The following TLK1 variants were observed in gnomAD, a reference collection of about 807,000 sequenced individuals.
TLK1 encodes serine/threonine-protein kinase tousled-like 1.
TLK1 carries 24 observed loss-of-function variants against 105.3 expected under a neutral mutation model. The ratio of observed to expected loss-of-function variants is 0.23; its 90% CI spans 0.17 to 0.32. The LOEUF (loss-of-function observed/expected upper bound fraction) is 0.32, where lower values mean the gene tolerates loss of function less well. TLK1 is among the 10% of genes least tolerant of loss of function. The pLI, the probability that TLK1 is intolerant of heterozygous loss-of-function variation, is 1.00. For missense variants in TLK1, 558 were observed against 910.5 expected (o/e 0.61, Z 4.98); for synonymous variants, 321 against 310.4 (o/e 1.03, Z -0.36).
intron 1 of TLK1, among the ~76,000 whole-genome samples, chr2:171,151,693 T>C (rs572128885): frequency 4.2e-4 from 64 of 151,986 alleles, no homozygotes; most frequent in Admixed American, 3.7e-3. Flanking sequence ...GCCAGGATGG[T>C]CTCGATCTCC....
At chr2:171,034,512 T>C (rs1245593541) in intron 11 of TLK1, among the ~76,000 whole-genome samples, 1 of 152,218 alleles carries the variant, frequency 6.6e-6, no homozygotes, top group Non-Finnish European at 1.5e-5. Flanking sequence ...TGAGTCATTT[T>C]ATATACAACA....
intron 2 of TLK1, among the ~76,000 whole-genome samples, chr2:171,110,449 C>G (rs114903381): frequency 9.9e-5 from 15 of 152,244 alleles, no homozygotes; most frequent in Admixed American, 2.6e-4. Context: ...AGTTGGGCGA[C>G]AGAGCAAGAC....
chr2:171,014,796 G>C (rs923041274), intron 13 of TLK1, 55 bp downstream of exon 13: 12 of 1,257,544 alleles, frequency 9.5e-6, no homozygotes, highest in Non-Finnish European at 1.4e-5. Context: ...ATGCTCTATG[G>C]GGGGCGGGGG....
intron 6 of TLK1, among the ~76,000 whole-genome samples, chr2:171,056,234 C>T (rs1354691175): frequency 6.6e-6 from 1 of 152,020 alleles, no homozygotes. Flanking sequence ...ATAAACAATG[C>T]TTCTTGGATA....
In TLK1 at chr2:171,198,757, G is replaced by C. The variant is rs77298424; in HGVS notation, c.-6+32388C>G. 0.01 allele frequency among the ~76,000 whole-genome samples: 1,536 copies of C among 152,310 alleles called. 148 individuals carry two copies. The East Asian group carries it at 0.21, about 21-fold the overall frequency. On this transcript the variant is annotated intron_variant, in intron 1 of 20. Coordinates refer to the TLK1 transcript ENST00000521943. ...TGCATGGTGAGGAAATTCTGACTCT[G>C]ATAAATTTATCCTCCAATCTAGAAA...
At chr2:171,050,719 TTC>T (rs1297526533) in intron 8 of TLK1, among the ~76,000 whole-genome samples, 1 of 152,220 alleles carries the variant, frequency 6.6e-6, no homozygotes, top group African/African-American at 2.4e-5. Context: ...AGGATACTAA[TTC>T]TGTTCACTTT....
At chr2:171,004,649 T>C (rs937774545) in intron 18 of TLK1, among the ~76,000 whole-genome samples, 1 of 152,228 alleles carries the variant, frequency 6.6e-6, no homozygotes, top group African/African-American at 2.4e-5. Flanking sequence ...ATAATGAGAA[T>C]GTCCTGCAGA....
At chr2:171,053,992 T>C in intron 7 of TLK1, 139 bp from the exon 8 acceptor site, 2 of 603,842 alleles carry the variant, frequency 3.3e-6, no homozygotes, top group Admixed American at 3.8e-5. Flanking sequence ...CAAAAAGTTT[T>C]AGTGCAGTTT....
intron 1 of TLK1, among the ~76,000 whole-genome samples, chr2:171,191,411 T>C (rs866293635): frequency 1.0e-3 from 153 of 148,934 alleles, no homozygotes; most frequent in African/African-American, 3.5e-3. Context: ...CCCCCCCCTC[T>C]AAAAAAATGA....
At chr2:171,104,119 T>C (rs1689813744) in intron 2 of TLK1, among the ~76,000 whole-genome samples, 1 of 151,736 alleles carries the variant, frequency 6.6e-6, no homozygotes, top group Non-Finnish European at 1.5e-5. Flanking sequence ...CTACTAAAAA[T>C]ACAAAAATTA....
chr2:171,030,778 G>A (rs1419090567), intron 11 of TLK1, among the ~76,000 whole-genome samples: 1 of 152,004 alleles, frequency 6.6e-6, no homozygotes, highest in Non-Finnish European at 1.5e-5. Flanking sequence ...TCTGTACTTT[G>A]ATTTTTACTG....
chr2:171,171,608 A>G (rs974204837), intron 1 of TLK1, among the ~76,000 whole-genome samples: 2 of 152,218 alleles, frequency 1.3e-5, no homozygotes, highest in Non-Finnish European at 2.9e-5. Context: ...TGTAAAAAGC[A>G]AAATAAAACC....
intron 18 of TLK1, among the ~76,000 whole-genome samples, chr2:171,000,375 TC>T (rs1316607099): frequency 0.05 from 1,953 of 39,318 alleles, 25 homozygotes; most frequent in Non-Finnish European, 0.054. Flanking sequence ...CGAAACTCTG[TC>T]AAAAAAAAAA....
At chr2:171,069,970 A>ATACAATATAT (rs1688177334) in intron 3 of TLK1, among the ~76,000 whole-genome samples, 1 of 152,210 alleles carries the variant, frequency 6.6e-6, no homozygotes, top group South Asian at 2.1e-4. Context: ...ATTGTATACT[A>ATACAATATAT]GGAAATGCTA....
At chr2:171,118,617 TAAAGCACTCCAAATTC>T (rs1690531239) in intron 1 of TLK1, among the ~76,000 whole-genome samples, 1 of 152,316 alleles carries the variant, frequency 6.6e-6, no homozygotes, top group South Asian at 2.1e-4. Context: ...TTATGCAGAC[TAAAGCACTCCAAATTC>T]TAGATGAAGT....
chr2:171,055,877 G>A (rs2676129), intron 6 of TLK1, among the ~76,000 whole-genome samples: 6,362 of 151,974 alleles, frequency 0.042, 395 homozygotes, highest in African/African-American at 0.13. Flanking sequence ...TTAAATTACT[G>A]AAAACCAATA....
At chr2:171,190,737 T>C (rs574507628) in intron 1 of TLK1, among the ~76,000 whole-genome samples, 1 of 152,348 alleles carries the variant, frequency 6.6e-6, no homozygotes, top group South Asian at 2.1e-4. Flanking sequence ...TTTAAAAATT[T>C]AGGAACATGT....
chr2:171,035,531 T>G (rs1467615027), intron 11 of TLK1, among the ~76,000 whole-genome samples: 1 of 152,148 alleles, frequency 6.6e-6, no homozygotes, highest in Non-Finnish European at 1.5e-5. Flanking sequence ...ATCAGCAGCG[T>G]GAAAGCAAAC....
Position 171,184,845 on chromosome 2 carries a change from G to A in TLK1, c.-6+46300C>T, listed in dbSNP as rs879650058. Among the ~76,000 whole-genome samples, 3 of 143,146 alleles carry A rather than the reference G, an allele frequency of 2.1e-5. No homozygotes were observed. The East Asian group carries it at 8.3e-4, about 40-fold the overall frequency. The allele number at this position is 143,146 out of a possible 152,430, so 93.9% of individuals were successfully genotyped here. A position where few individuals can be genotyped will look rare whatever the true frequency, so the allele number is the denominator to read the frequency against. On this transcript the variant is annotated intron_variant, in intron 1 of 20. Coordinates refer to the TLK1 transcript ENST00000521943. ...CATTTATAATTATGGTTGTTTGTTT[G>A]TTTGTTTGTTTGAGATGGAGTCTTG...
Sources: allele counts gnomAD v4.1 joint callset (sites outside exome capture counted in the v4.1 genomes callset), GRCh38; gene constraint gnomAD v4.1.1; transcripts MANE v1.5; gene names NCBI Gene and HGNC (gene_info 2026-07-23, HGNC 2026-07-21).